The following MSI2 variants were observed in gnomAD, a reference collection of about 807,000 sequenced individuals.
MSI2 encodes RNA-binding protein Musashi homolog 2.
Under a neutral mutation model 45.6 loss-of-function variants are expected in MSI2, and 17 were observed. That is an observed-to-expected ratio of 0.37 (90% CI 0.26 to 0.56). The LOEUF (loss-of-function observed/expected upper bound fraction) is 0.56. MSI2 is among the 20% of genes least tolerant of loss of function. The probability of loss-of-function intolerance (pLI) is 0.77; values close to 1 mark genes in which losing one functional copy is unlikely to be tolerated. For synonymous variants in MSI2, 156 were observed against 158.2 expected, an observed-to-expected ratio of 0.99 and a Z score of 0.11; for missense variants, 293 against 444.2, an observed-to-expected ratio of 0.66 and a Z score of 3.06.
intron 7 of MSI2, among the ~76,000 whole-genome samples, chr17:57,535,085 T>C (rs116963720): frequency 6.6e-6 from 1 of 151,784 alleles, no homozygotes; most frequent in Non-Finnish European, 1.5e-5. Flanking sequence ...GGCCGGGGAG[T>C]AGACAGCCAG....
chr17:57,398,658 C>T (rs1021497252), intron 5 of MSI2, among the ~76,000 whole-genome samples: 1 of 152,234 alleles, frequency 6.6e-6, no homozygotes, highest in Non-Finnish European at 1.5e-5. Context: ...TTAGCGACTA[C>T]ACAGTGCCCT....
intron 6 of MSI2, among the ~76,000 whole-genome samples, chr17:57,509,237 G>A (rs907078520): frequency 2.0e-5 from 3 of 152,142 alleles, no homozygotes; most frequent in Non-Finnish European, 4.4e-5. Flanking sequence ...GAGCTAGTGA[G>A]GGGGAAATTT....
chr17:57,288,843 G>C (rs1437900432), intron 5 of MSI2, among the ~76,000 whole-genome samples: 1 of 152,092 alleles, frequency 6.6e-6, no homozygotes, highest in Non-Finnish European at 1.5e-5. Context: ...TTGGGGAAGT[G>C]GGGGTGCATT....
intron 10 of MSI2, among the ~76,000 whole-genome samples, chr17:57,636,603 C>T (rs138340915): frequency 1.8e-3 from 277 of 152,344 alleles, no homozygotes; most frequent in African/African-American, 6.1e-3. Flanking sequence ...CACAGAGTTC[C>T]CCTCCCCAGG....
rs540288891 is a variant in MSI2 at position 57,508,848 on chromosome 17, G to A, written c.406-20828G>A. On this transcript the variant is annotated intron_variant, in intron 6 of 13. Transcript: ENST00000284073. ...TGGCTGGATAAAGTGCTGAAGGAGC[G>A]TGTTCTTGCACGTGTTCATGCACCC... 1.2e-4 allele frequency among the ~76,000 whole-genome samples: 18 copies of A among 152,340 alleles called. No individual in the cohort carries two copies. In the South Asian group the frequency reaches 3.5e-3, roughly 30 times the overall value.
intron 5 of MSI2, chr17:57,279,839 A>T (rs892551552): frequency 2.0e-5 from 3 of 152,020 alleles, no homozygotes; most frequent in African/African-American, 4.8e-5. Context: ...AGAGGTGGGT[A>T]TCTCACTTTG....
chr17:57,415,612 A>T (rs1212083443), intron 6 of MSI2, among the ~76,000 whole-genome samples: 1 of 152,076 alleles, frequency 6.6e-6, no homozygotes. Flanking sequence ...ATGGGTATTT[A>T]ATGATAGTCT....
rs550999198 is a variant in MSI2 at position 57,427,002 on chromosome 17, C to G, written c.405+25531C>G. On this transcript the variant is annotated intron_variant, in intron 6 of 13. Transcript: ENST00000284073. ...CTAAATTTTAAAATCACTTCTTCAC[C>G]AGGCTGAAGCCGGGGTGCCCCCACG... is the stretch of plus-strand genomic sequence containing the variant. Among the ~76,000 whole-genome samples the G allele has an allele frequency of 3.9e-5, 6 of 152,346 alleles. No individual in the cohort carries two copies. In the East Asian group the frequency reaches 1.2e-3, roughly 29 times the overall value.
chr17:57,577,557 C>T (rs1035216588), intron 7 of MSI2, among the ~76,000 whole-genome samples: 1 of 151,900 alleles, frequency 6.6e-6, no homozygotes, highest in African/African-American at 2.4e-5. Flanking sequence ...AGATGATAGA[C>T]AAGCAAGAGA....
intron 6 of MSI2, among the ~76,000 whole-genome samples, chr17:57,472,707 C>T (rs1172808314): frequency 6.6e-6 from 1 of 152,176 alleles, no homozygotes; most frequent in East Asian, 1.9e-4. Context: ...TTGCTGTGCG[C>T]TGTGTGAAAC....
At chr17:57,609,056 G>A (rs145772418) in intron 8 of MSI2, among the ~76,000 whole-genome samples, 1 of 152,150 alleles carries the variant, frequency 6.6e-6, no homozygotes, top group African/African-American at 2.4e-5. Flanking sequence ...CAAGATGTGT[G>A]TAGCTGTCAG....
At chr17:57,335,117 C>G (rs1914596666) in intron 5 of MSI2, among the ~76,000 whole-genome samples, 1 of 152,188 alleles carries the variant, frequency 6.6e-6, no homozygotes, top group Non-Finnish European at 1.5e-5. Flanking sequence ...GGAGATTTCT[C>G]TCTGGACATA....
At chr17:57,554,944 G>A (rs1224800776) in intron 7 of MSI2, among the ~76,000 whole-genome samples, 1 of 152,246 alleles carries the variant, frequency 6.6e-6, no homozygotes, top group African/African-American at 2.4e-5. Context: ...GCTCAAACCT[G>A]CTGAGACTTC....
At chr17:57,282,320 T>C (rs976831004) in intron 5 of MSI2, among the ~76,000 whole-genome samples, 2 of 152,184 alleles carry the variant, frequency 1.3e-5, no homozygotes, top group African/African-American at 2.4e-5. Context: ...AAGTTTCTAT[T>C]TGTTAGCCTT....
chr17:57,575,837 C>T (rs547459803), intron 7 of MSI2, among the ~76,000 whole-genome samples: 67 of 147,822 alleles, frequency 4.5e-4, no homozygotes, highest in Admixed American at 1.9e-3. Flanking sequence ...CCCAGCTACT[C>T]GGGAGGCTGA....
chr17:57,363,497 G>A (rs1385615280), intron 5 of MSI2, among the ~76,000 whole-genome samples: 1 of 152,186 alleles, frequency 6.6e-6, no homozygotes, highest in Non-Finnish European at 1.5e-5. Flanking sequence ...CAGCCCTTTG[G>A]GAGGCTGAAG....
chr17:57,417,495 C>T (rs905284524), intron 6 of MSI2, among the ~76,000 whole-genome samples: 1 of 152,140 alleles, frequency 6.6e-6, no homozygotes, highest in Admixed American at 6.5e-5. Context: ...CACCTCAGGG[C>T]TTTACAGATG....
intron 6 of MSI2, among the ~76,000 whole-genome samples, chr17:57,417,109 T>C (rs2084309130): frequency 6.6e-6 from 1 of 152,210 alleles, no homozygotes; most frequent in East Asian, 1.9e-4. Context: ...CCTCCCATCC[T>C]TTCCCTCAGC....
chr17:57,594,416 G>C (rs1035777604), intron 7 of MSI2, among the ~76,000 whole-genome samples: 17 of 152,194 alleles, frequency 1.1e-4, no homozygotes, highest in African/African-American at 2.9e-4. Context: ...TGTTTTTAAG[G>C]CTCCTCCCAA....
Sources: allele counts gnomAD v4.1 joint callset (sites outside exome capture counted in the v4.1 genomes callset), GRCh38; gene constraint gnomAD v4.1.1; transcripts MANE v1.5; gene names NCBI Gene and HGNC (gene_info 2026-07-23, HGNC 2026-07-21).